The following KIRREL3 variants were observed in gnomAD, a reference collection of about 807,000 sequenced individuals.
The protein encoded by KIRREL3 is kin of IRRE-like protein 3.
A neutral mutation model predicts 89.7 loss-of-function variants in KIRREL3; 36 were observed. The observed-to-expected ratio is 0.40, with a 90% confidence interval of 0.31 to 0.53. The LOEUF (loss-of-function observed/expected upper bound fraction) is 0.53. Ranked by LOEUF, KIRREL3 falls within the 20% of genes least tolerant of loss-of-function variation. The pLI is 0.49. For synonymous variants in KIRREL3, 445 were observed against 441.4 expected (o/e 1.01, Z -0.10); for missense variants, 864 against 1,056.6 (o/e 0.82, Z 2.53).
At chr11:126,793,592 C>T (rs1217681497) in intron 1 of KIRREL3, among the ~76,000 whole-genome samples, 1 of 152,168 alleles carries the variant, frequency 6.6e-6, no homozygotes, top group African/African-American at 2.4e-5. Flanking sequence ...GGCAGTGACT[C>T]ACACAGAGGA....
rs113631706 is a variant in KIRREL3 at position 126,695,533 on chromosome 11, C to T, written c.56-132621G>A. Among the ~76,000 whole-genome samples the T allele has an allele frequency of 5.3e-4, 80 of 152,228 alleles. 1 individual carries two copies. The highest frequency in any genetic ancestry group is 1.9e-3 in the African/African-American group (78 of 41,532). On this transcript the variant is annotated intron_variant, in intron 1 of 16. Transcript: ENST00000525144. Reference sequence around the variant, plus strand: ...TCCCCACCTTCTCTGCTCACCACACCGCTGTCTCTCCAGGCTCAGCAAATA... The same window carrying T: ...TCCCCACCTTCTCTGCTCACCACACTGCTGTCTCTCCAGGCTCAGCAAATA...
chr11:126,864,385 C>T (rs1363206200), intron 1 of KIRREL3, among the ~76,000 whole-genome samples: 1 of 152,138 alleles, frequency 6.6e-6, no homozygotes, highest in Non-Finnish European at 1.5e-5. Context: ...TGGAGAAAGG[C>T]AGGTGTGGGA....
chr11:126,838,204 G>A (rs1943844146), intron 1 of KIRREL3, among the ~76,000 whole-genome samples: 1 of 152,188 alleles, frequency 6.6e-6, no homozygotes, highest in African/African-American at 2.4e-5. Context: ...GAAGCAATTT[G>A]AACGACCCAT....
intron 2 of KIRREL3, among the ~76,000 whole-genome samples, chr11:126,560,107 T>A (rs148163968): frequency 6.6e-6 from 1 of 152,228 alleles, no homozygotes. Flanking sequence ...CAGCAGTTCC[T>A]ATATAAAGCA....
chr11:126,525,568 G>GCAGC lies in KIRREL3; in HGVS notation c.283+969_283+970insGCTG. ...AATTTCCCAACCATCATGTTCCTGA[G>GCAGC]TGCACTTCGATTTTTATTTTCCTGC... On this transcript the variant is annotated intron_variant, in intron 3 of 16. Coordinates refer to ENST00000525144, the MANE Select transcript of KIRREL3 (RefSeq NM_032531.4). This position sits in a 1 kb window ranked among gnomAD's most constrained non-coding sequence, Gnocchi z 5.4. Among the ~76,000 whole-genome samples the GCAGC allele has an allele frequency of 6.6e-6, 1 of 152,158 alleles. No homozygotes were observed. The highest frequency in any genetic ancestry group is 1.5e-5 in the Non-Finnish European group (1 of 68,032).
rs534549548 is a variant in KIRREL3 at position 126,522,956 on chromosome 11, A to G, written c.284-1492T>C. On this transcript the variant is annotated intron_variant, in intron 3 of 16. Transcript: ENST00000525144. This position sits in a 1 kb window ranked among gnomAD's most constrained non-coding sequence, Gnocchi z 6.0. ...GGGACACATTCAGCCTTTTAAAGAGAAGATGAGGGCTTAAGCAAGTGAGAG... is the reference window on the plus strand; with the variant it reads ...GGGACACATTCAGCCTTTTAAAGAGGAGATGAGGGCTTAAGCAAGTGAGAG... Among the ~76,000 whole-genome samples the G allele has an allele frequency of 6.6e-6, 1 of 152,286 alleles. No homozygotes were observed. Among genetic ancestry groups the G allele is most frequent in the East Asian group, 1.9e-4 (1 of 5,178 alleles).
chr11:126,559,854 T>C (rs1170472955), intron 2 of KIRREL3, among the ~76,000 whole-genome samples: 1 of 151,848 alleles, frequency 6.6e-6, no homozygotes, highest in Non-Finnish European at 1.5e-5. Flanking sequence ...TATTTTTTTT[T>C]GTATTTTTAG....
rs1340683913 is a variant in KIRREL3, at chr11:126,575,252, C to A, written c.56-12340G>T. ...ACAGTCGGGGCAGGTTCTCTCTTGG[C>A]TCCTGAGGCCAAGAGAAGCCAGCCT... On this transcript the variant is annotated intron_variant, in intron 1 of 16. Transcript: ENST00000525144. This position sits in a 1 kb window ranked among gnomAD's most constrained non-coding sequence, Gnocchi z 7.0. Among the ~76,000 whole-genome samples the A allele has an allele frequency of 1.3e-5, 2 of 152,202 alleles. No homozygotes were observed. Among genetic ancestry groups the A allele is most frequent in the African/African-American group, 4.8e-5 (2 of 41,442 alleles).
rs1950104288 is a variant in KIRREL3, at chr11:126,993,708, G to T, written c.55+6747C>A. Among the ~76,000 whole-genome samples the T allele has an allele frequency of 6.6e-6, 1 of 152,220 alleles. No individual in the cohort carries two copies. The highest frequency in any genetic ancestry group is 2.4e-5 in the African/African-American group (1 of 41,452). The stretch of plus-strand genomic sequence containing the variant: ...CAGTGAGTGCTGGCTGAGTGGTCAA[G>T]GGCTGAGCCTTAGTGTCATAAAATG... On this transcript the variant is annotated intron_variant, in intron 1 of 16. Transcript: ENST00000525144. The surrounding 1 kb of genome is among the most constrained non-coding windows in gnomAD (Gnocchi z 6.1).
chr11:126,727,153 T>C (rs1009970213), intron 1 of KIRREL3, among the ~76,000 whole-genome samples: 3 of 152,212 alleles, frequency 2.0e-5, no homozygotes, highest in Non-Finnish European at 4.4e-5. Flanking sequence ...TCCATGTTCA[T>C]GAAATGACTG....
chr11:126,783,694 A>G lies in KIRREL3; in HGVS notation c.55+216761T>C, dbSNP rs1467298086. Among the ~76,000 whole-genome samples the G allele has an allele frequency of 6.6e-6, 1 of 152,212 alleles. No homozygotes were observed. Among genetic ancestry groups the G allele is most frequent in the African/African-American group, 2.4e-5 (1 of 41,454 alleles). On this transcript the variant is annotated intron_variant, in intron 1 of 16. Coordinates refer to ENST00000525144, the MANE Select transcript of KIRREL3 (RefSeq NM_032531.4). The surrounding 1 kb of genome is among the most constrained non-coding windows in gnomAD (Gnocchi z 4.3). Reference sequence around the variant, plus strand: ...TAAATAAATGGAGGAGAATAGATAGACTCCAGTGCAGAATTCCAAATAATT... The same window carrying G: ...TAAATAAATGGAGGAGAATAGATAGGCTCCAGTGCAGAATTCCAAATAATT...
intron 1 of KIRREL3, among the ~76,000 whole-genome samples, chr11:126,657,179 A>C (rs1408872111): frequency 6.6e-6 from 1 of 152,072 alleles, no homozygotes; most frequent in Non-Finnish European, 1.5e-5. Flanking sequence ...ACTTTGTATT[A>C]CCTATATATT....
chr11:126,660,174 C>T (rs1453882762), intron 1 of KIRREL3, among the ~76,000 whole-genome samples: 1 of 152,156 alleles, frequency 6.6e-6, no homozygotes, highest in Non-Finnish European at 1.5e-5. Flanking sequence ...ACTGTGAGGC[C>T]ACAGGACTAC....
At position 126,906,502 on chromosome 11, in the gene KIRREL3, C is replaced by T. The variant is rs1946588519; in HGVS notation, c.55+93953G>A. Among the ~76,000 whole-genome samples, 4 of 152,172 alleles carry T rather than the reference C, an allele frequency of 2.6e-5. No individual in the cohort carries two copies. In the South Asian group the frequency reaches 8.3e-4, roughly 31 times the overall value. On this transcript the variant is annotated intron_variant, in intron 1 of 16. Transcript: ENST00000525144. This position sits in a 1 kb window ranked among gnomAD's most constrained non-coding sequence, Gnocchi z 4.1. ...AACCTTGAACCTTATTTGATTGCTG[C>T]CTCTGCCCAGTAACTTTAATCTCCC... is the stretch of plus-strand genomic sequence containing the variant.
rs1300582260 is a variant in KIRREL3 at position 126,572,076 on chromosome 11, C to G, written c.56-9164G>C. 2.0e-5 allele frequency among the ~76,000 whole-genome samples: 3 copies of G among 152,202 alleles called. No homozygotes were observed. The East Asian group carries it at 5.8e-4, about 29-fold the overall frequency. On this transcript the variant is annotated intron_variant, in intron 1 of 16. Coordinates refer to ENST00000525144, the MANE Select transcript of KIRREL3 (RefSeq NM_032531.4). ...GATGCTCGACAGCTATGTGTCCTAC[C>G]CCTGGGGAGGCTCAGCCTGGTCCAT...
chr11:126,641,037 G>A lies in KIRREL3; in HGVS notation c.56-78125C>T, dbSNP rs1473518145. ...AGGCATCTCAAATTTCACATGCTCC[G>A]AAAAGAACTCCTGGTCTTCTCCCAC... On this transcript the variant is annotated intron_variant, in intron 1 of 16. Transcript: ENST00000525144. This position sits in a 1 kb window ranked among gnomAD's most constrained non-coding sequence, Gnocchi z 5.0. Among the ~76,000 whole-genome samples the A allele has an allele frequency of 1.3e-5, 2 of 152,050 alleles. No homozygotes were observed. Among genetic ancestry groups the A allele is most frequent in the Non-Finnish European group, 2.9e-5 (2 of 68,010 alleles).
chr11:126,502,292 G>A (rs1355296193), intron 4 of KIRREL3, among the ~76,000 whole-genome samples: 1 of 152,206 alleles, frequency 6.6e-6, no homozygotes, highest in Non-Finnish European at 1.5e-5. Context: ...CAGCACACCA[G>A]CTAGGGAAGC....
Position 126,860,352 on chromosome 11 carries a change from AG to A in KIRREL3, c.55+140102del, listed in dbSNP as rs1184443784. 2.6e-5 allele frequency among the ~76,000 whole-genome samples: 4 copies of A among 152,198 alleles called. No individual in the cohort carries two copies. The highest frequency in any genetic ancestry group is 5.9e-5 in the Non-Finnish European group (4 of 68,052). ...GGCAATGGGTCTGGGAGCACAGAGA[AG>A]GTTGCCTTTATTTATGTTTCAGGCA... On this transcript the variant is annotated intron_variant, in intron 1 of 16. Transcript: ENST00000525144. The surrounding 1 kb of genome is among the most constrained non-coding windows in gnomAD (Gnocchi z 4.6).
At chr11:126,810,191 A>G (rs1212638503) in intron 1 of KIRREL3, among the ~76,000 whole-genome samples, 2 of 152,250 alleles carry the variant, frequency 1.3e-5, no homozygotes, top group African/African-American at 4.8e-5. Context: ...GTAAGCTTGG[A>G]AAGTTATCAT....
Sources: gnomAD v4.1 joint callset for allele counts (sites outside exome capture counted in the v4.1 genomes callset) on GRCh38, gnomAD v4.1.1 for gene constraint, Gnocchi (gnomAD v3.1) non-coding constraint, MANE v1.5 for transcripts, NCBI Gene and HGNC (gene_info 2026-07-23, HGNC 2026-07-21) for gene names.